CRYBB2: variants seen among roughly 807,000 people sequenced by gnomAD.
The protein encoded by CRYBB2 is beta-crystallin B2.
Under a neutral mutation model 24.3 loss-of-function variants are expected in CRYBB2, and 12 were observed. The ratio of observed to expected loss-of-function variants is 0.49; its 90% confidence interval spans 0.32 to 0.80. CRYBB2 has a LOEUF of 0.80. Among genes scored for constraint, CRYBB2 ranks in the 30% least tolerant of loss-of-function variants. CRYBB2 has a pLI of 0.04. For synonymous variants in CRYBB2, 98 were observed against 101.6 expected (o/e 0.96, Z 0.21); for missense variants, 198 against 268.5 (o/e 0.74, Z 1.83).
chr22:25,221,802 A>T (rs1935326966), intron 2 of CRYBB2, among the ~76,000 whole-genome samples: 1 of 152,122 alleles, frequency 6.6e-6, no homozygotes, highest in African/African-American at 2.4e-5. Context: ...TCAGTCAGAG[A>T]TGGGATTAGT....
At chr22:25,221,380 ACTG>A in intron 1 of CRYBB2, 21 bp from the exon 2 acceptor site, 1 of 1,516,352 alleles carries the variant, frequency 6.6e-7, no homozygotes, top group Non-Finnish European at 9.2e-7. Flanking sequence ...CCAGGTCCTC[ACTG>A]CTGCTTCCCA....
chr22:25,227,707 G>C, intron 3 of CRYBB2, 146 bp from the exon 4 acceptor site: 1 of 1,367,470 alleles, frequency 7.3e-7, no homozygotes. Context: ...ACTTGGATTT[G>C]CTGTGCTAAG....
chr22:25,221,811 G>A (rs1322594802), intron 2 of CRYBB2, among the ~76,000 whole-genome samples: 2 of 152,192 alleles, frequency 1.3e-5, no homozygotes, highest in East Asian at 3.9e-4. Flanking sequence ...GATGGGATTA[G>A]TAGATGGAAG....
chr22:25,218,814 GAAAGAAAGAAAGAAAGAAAGAAAGAGAA>G (rs1033658615), upstream of CRYBB2, among the ~76,000 whole-genome samples: 1 of 126,336 alleles, frequency 7.9e-6, no homozygotes, highest in African/African-American at 3.3e-5. Flanking sequence ...AAGAAAGAAA[GAAAGAAAGAAAGAAAGAAAGAAAGAGAA>G]AGAAAGAAAG....
upstream of CRYBB2, among the ~76,000 whole-genome samples, chr22:25,218,127 C>T (rs528698582): frequency 0.01 from 1,528 of 150,876 alleles, 15 homozygotes; most frequent in South Asian, 0.034. Context: ...GGCGTGTTGG[C>T]GGGCGCCTGT....
chr22:25,224,441 C>T (rs115390290), intron 2 of CRYBB2, among the ~76,000 whole-genome samples: 2,197 of 152,206 alleles, frequency 0.014, 58 homozygotes, highest in African/African-American at 0.05. Flanking sequence ...TTAGTTCTCC[C>T]ACAAGCAGAG....
upstream of CRYBB2, among the ~76,000 whole-genome samples, chr22:25,218,826 GAAAGAAAGAAAGAGAA>G (rs1569016493): frequency 4.4e-5 from 5 of 113,764 alleles, no homozygotes; most frequent in African/African-American, 1.2e-4. Context: ...AAGAAAGAAA[GAAAGAAAGAAAGAGAA>G]AGAAAGAAAG....
upstream of CRYBB2, among the ~76,000 whole-genome samples, chr22:25,218,180 A>G (rs1935207630): frequency 1.3e-5 from 2 of 151,944 alleles, no homozygotes; most frequent in African/African-American, 4.8e-5. Context: ...AATGGTGTGA[A>G]CACGGGAGGC....
Position 25,227,056 on chromosome 22 carries a change from C to A in CRYBB2, c.174-797C>A, listed in dbSNP as rs6004491. On this transcript the variant is annotated intron_variant, in intron 3 of 5. Coordinates refer to ENST00000398215, the MANE Select transcript of CRYBB2 (RefSeq NM_000496.3). ...TACTCTTCCAAAAGAGGACAATAAA[C>A]ACGACCTCCTCTTTTGTTAATGACT... Among the ~76,000 whole-genome samples the A allele has an allele frequency of 4.5e-4, 69 of 152,302 alleles. 1 individual carries two copies. The highest frequency in any genetic ancestry group is 1.5e-3 in the African/African-American group (62 of 41,568).
At chr22:25,227,725 T>A in intron 3 of CRYBB2, 128 bp from the exon 4 acceptor site, 6 of 1,513,706 alleles carry the variant, frequency 4.0e-6, no homozygotes, top group Non-Finnish European at 5.4e-6. Flanking sequence ...AAGGTTTGGG[T>A]GGGGCTATTA....
chr22:25,216,115 ATTT>A (rs1432625574), upstream of CRYBB2, among the ~76,000 whole-genome samples: 1 of 151,906 alleles, frequency 6.6e-6, no homozygotes. Flanking sequence ...ATTCTTTCTT[ATTT>A]ATAAGGACAC....
At chr22:25,222,188 C>T (rs1008616355) in intron 2 of CRYBB2, among the ~76,000 whole-genome samples, 1 of 152,210 alleles carries the variant, frequency 6.6e-6, no homozygotes, top group African/African-American at 2.4e-5. Flanking sequence ...TCAGGAATGG[C>T]CCCTTTGTCT....
At chr22:25,218,728 GA>G (rs1935233299), upstream of CRYBB2, among the ~76,000 whole-genome samples, 2 of 78,970 alleles carry the variant, frequency 2.5e-5, no homozygotes, top group African/African-American at 1.3e-4. Context: ...GAGAGAGAGA[GA>G]GAGAGGGGAG....
chr22:25,215,175 G>A (rs1404620471), upstream of CRYBB2, among the ~76,000 whole-genome samples: 1 of 152,240 alleles, frequency 6.6e-6, no homozygotes, highest in African/African-American at 2.4e-5. Flanking sequence ...ACTGTGACAT[G>A]TTTGTGATGG....
chr22:25,219,368 G>T (rs73879217), upstream of CRYBB2, among the ~76,000 whole-genome samples: 1 of 152,290 alleles, frequency 6.6e-6, no homozygotes, highest in South Asian at 2.1e-4. Context: ...TGAACCCAGC[G>T]TACCCCTGGC....
chr22:25,218,124 T>A (rs1021227065), upstream of CRYBB2, among the ~76,000 whole-genome samples: 1 of 150,792 alleles, frequency 6.6e-6, no homozygotes, highest in African/African-American at 2.5e-5. Context: ...CCGGGCGTGT[T>A]GGCGGGCGCC....
chr22:25,229,680 C>G, intron 5 of CRYBB2, 102 bp downstream of exon 5: 1 of 1,503,624 alleles, frequency 6.7e-7, no homozygotes, highest in Non-Finnish European at 9.1e-7. Flanking sequence ...TTGCACACAT[C>G]AGTGTGCTCT....
upstream of CRYBB2, among the ~76,000 whole-genome samples, chr22:25,218,129 G>A (rs145929833): frequency 3.3e-5 from 5 of 150,868 alleles, no homozygotes; most frequent in African/African-American, 1.2e-4. Flanking sequence ...CGTGTTGGCG[G>A]GCGCCTGTAG....
At chr22:25,228,843 A>C (rs1403372193) in intron 4 of CRYBB2, among the ~76,000 whole-genome samples, 1 of 152,264 alleles carries the variant, frequency 6.6e-6, no homozygotes, top group Admixed American at 6.5e-5. Flanking sequence ...GAGGATGGGA[A>C]GAGATGTAGA....
Sources: gnomAD v4.1 joint callset for allele counts (sites outside exome capture counted in the v4.1 genomes callset) on GRCh38, gnomAD v4.1.1 for gene constraint, MANE v1.5 for transcripts, NCBI Gene and HGNC (gene_info 2026-07-23, HGNC 2026-07-21) for gene names.